TGFA: variants seen among roughly 807,000 people sequenced by gnomAD.
TGFA encodes transforming growth factor alpha, also known as protransforming growth factor alpha.
In TGFA, 12 loss-of-function variants were observed where a neutral mutation model predicts 21.7. The ratio of observed to expected loss-of-function variants is 0.55; its 90% CI spans 0.35 to 0.90. The LOEUF is 0.90. TGFA is among the 40% of genes least tolerant of loss of function. The pLI, the probability that TGFA is intolerant of heterozygous loss-of-function variation, is 0.01. For synonymous variants in TGFA, 79 were observed against 88.1 expected (o/e 0.90, Z 0.58); for missense variants, 178 against 210.8 (o/e 0.84, Z 0.96).
intron 2 of TGFA, among the ~76,000 whole-genome samples, chr2:70,505,670 A>G (rs562990839): frequency 3.9e-5 from 6 of 152,216 alleles, no homozygotes; most frequent in Admixed American, 1.3e-4. Context: ...CTGCTAAGTG[A>G]CAACTAGGAA....
At chr2:70,470,045 G>T (rs1574078505) in intron 2 of TGFA, among the ~76,000 whole-genome samples, 2 of 151,932 alleles carry the variant, frequency 1.3e-5, no homozygotes, top group African/African-American at 4.8e-5. Flanking sequence ...GGGAGAAACA[G>T]CGAGAAGGAG....
intron 2 of TGFA, chr2:70,467,572 G>A (rs1670606556): frequency 6.6e-6 from 1 of 152,160 alleles, no homozygotes; most frequent in Admixed American, 6.5e-5. Flanking sequence ...CAGCTCCATC[G>A]ATATAGTCTC....
intron 3 of TGFA, among the ~76,000 whole-genome samples, chr2:70,460,370 A>G (rs536919068): frequency 9.0e-6 from 1 of 111,270 alleles, no homozygotes; most frequent in African/African-American, 3.8e-5. Flanking sequence ...AGGTTTGGTG[A>G]CATACTTTTT....
intron 1 of TGFA, among the ~76,000 whole-genome samples, chr2:70,542,261 G>C (rs1480931317): frequency 1.3e-5 from 2 of 152,126 alleles, no homozygotes; most frequent in African/African-American, 4.8e-5. Flanking sequence ...AGCCACTTTT[G>C]TGTGACCACA....
At chr2:70,454,528 A>T (rs964951592) in intron 4 of TGFA, among the ~76,000 whole-genome samples, 11 of 152,110 alleles carry the variant, frequency 7.2e-5, no homozygotes, top group African/African-American at 2.4e-4. Context: ...GCCATCAATG[A>T]CTACTTTCTC....
chr2:70,502,802 T>C (rs1003477294), intron 2 of TGFA, among the ~76,000 whole-genome samples: 15 of 152,228 alleles, frequency 9.9e-5, no homozygotes, highest in African/African-American at 3.6e-4. Context: ...TAAATCTAAA[T>C]GAAAAGAATT....
chr2:70,469,658 A>G (rs1245349209), intron 2 of TGFA, among the ~76,000 whole-genome samples: 1 of 152,184 alleles, frequency 6.6e-6, no homozygotes, highest in African/African-American at 2.4e-5. Flanking sequence ...ATCCTGATGC[A>G]CACTAATGTT....
rs1553489443 is a variant in TGFA, at chr2:70,450,643, G to A, written c.*216C>T. On this transcript the variant is annotated 3_prime_UTR_variant, in exon 6 of 6. Coordinates refer to ENST00000295400, the MANE Select transcript of TGFA (RefSeq NM_003236.4). ...CTTTTTTAACAAGTCTTGAAATCGT[G>A]GTCCGCTGATTTCTTCTCTAGGTCA... 5.3e-6 allele frequency: 3 copies of A among 563,952 alleles called. No individual in the cohort carries two copies. The highest frequency in any genetic ancestry group is 9.7e-6 in the Non-Finnish European group (3 of 310,824). 34.9% of individuals were successfully genotyped at this position (563,952 alleles called of 1,614,324 possible). A position where few individuals can be genotyped will look rare whatever the true frequency, so the allele number is the denominator to read the frequency against.
chr2:70,536,481 T>C (rs1467715965), intron 1 of TGFA, among the ~76,000 whole-genome samples: 4 of 151,900 alleles, frequency 2.6e-5, no homozygotes, highest in African/African-American at 4.8e-5. Flanking sequence ...TTTAAAGAAA[T>C]AGAAATCATA....
intron 1 of TGFA, among the ~76,000 whole-genome samples, chr2:70,532,207 C>T (rs567704408): frequency 1.3e-5 from 2 of 152,266 alleles, no homozygotes; most frequent in African/African-American, 2.4e-5. Flanking sequence ...TTGAAAGCGA[C>T]GAAACCATTT....
At chr2:70,474,182 A>G (rs1183672662) in intron 2 of TGFA, among the ~76,000 whole-genome samples, 4 of 152,184 alleles carry the variant, frequency 2.6e-5, no homozygotes, top group Non-Finnish European at 5.9e-5. Flanking sequence ...CTCACCAAAC[A>G]TCAAAAGCAC....
chr2:70,547,268 A>G (rs1038793227), intron 1 of TGFA, among the ~76,000 whole-genome samples: 6 of 152,204 alleles, frequency 3.9e-5, no homozygotes, highest in Non-Finnish European at 8.8e-5. Flanking sequence ...CCCAGCCACT[A>G]GAAATGCTAT....
chr2:70,551,893 G>A (rs1673522553), intron 1 of TGFA, among the ~76,000 whole-genome samples: 1 of 152,144 alleles, frequency 6.6e-6, no homozygotes, highest in African/African-American at 2.4e-5. Flanking sequence ...CTTTGTGGGC[G>A]AGAATTCTGG....
At chr2:70,527,935 A>G (rs1341752941) in intron 1 of TGFA, among the ~76,000 whole-genome samples, 2 of 152,208 alleles carry the variant, frequency 1.3e-5, no homozygotes, top group African/African-American at 4.8e-5. Context: ...CTTGAGTCAG[A>G]CATTTCTGGA....
intron 2 of TGFA, among the ~76,000 whole-genome samples, chr2:70,504,908 G>A (rs1193622618): frequency 6.6e-6 from 1 of 152,138 alleles, no homozygotes; most frequent in Non-Finnish European, 1.5e-5. Context: ...TCCCAGCTCT[G>A]CCACTTTCTA....
At chr2:70,513,115 G>C (rs7562076) in intron 2 of TGFA, among the ~76,000 whole-genome samples, 2 of 152,224 alleles carry the variant, frequency 1.3e-5, no homozygotes, top group African/African-American at 2.4e-5. Flanking sequence ...ATGGAGATGC[G>C]TGGAGATCAT....
intron 2 of TGFA, among the ~76,000 whole-genome samples, chr2:70,494,385 A>G (rs1472455123): frequency 6.6e-6 from 1 of 152,198 alleles, no homozygotes; most frequent in African/African-American, 2.4e-5. Context: ...GCACCAAATG[A>G]AAATAATTTC....
intron 2 of TGFA, among the ~76,000 whole-genome samples, chr2:70,504,457 TATATATAC>T (rs1463771147): frequency 1.9e-4 from 14 of 74,054 alleles, no homozygotes; most frequent in South Asian, 1.6e-3. Context: ...TATATATATA[TATATATAC>T]ACACATACAT....
At chr2:70,520,299 T>C (rs1439187119) in intron 1 of TGFA, among the ~76,000 whole-genome samples, 1 of 152,084 alleles carries the variant, frequency 6.6e-6, no homozygotes, top group Non-Finnish European at 1.5e-5. Flanking sequence ...ATAGCATGCC[T>C]TTTACGCCTT....
Sources: allele counts gnomAD v4.1 joint callset (sites outside exome capture counted in the v4.1 genomes callset), GRCh38; gene constraint gnomAD v4.1.1; transcripts MANE v1.5; gene names NCBI Gene and HGNC (gene_info 2026-07-23, HGNC 2026-07-21).